Variants in CORO2B observed in about 807,000 individuals in gnomAD.
The protein encoded by CORO2B is coronin-2B.
A neutral mutation model predicts 58.8 loss-of-function variants in CORO2B; 26 were observed. The ratio of observed to expected loss-of-function variants is 0.44; its 90% CI spans 0.32 to 0.61. The LOEUF (loss-of-function observed/expected upper bound fraction) is 0.61. Ranked by LOEUF, CORO2B falls within the 20% of genes least tolerant of loss-of-function variation. CORO2B has a pLI of 0.04. For synonymous variants in CORO2B, 242 were observed against 253.8 expected, an observed-to-expected ratio of 0.95 and a Z score of 0.44; for missense variants, 460 against 645.1, an observed-to-expected ratio of 0.71 and a Z score of 3.11.
At chr15:68,607,571 A>G (rs4777073) in intron 1 of CORO2B, among the ~76,000 whole-genome samples, 22,859 of 151,924 alleles carry the variant, frequency 0.15, 1,832 homozygotes, top group African/African-American at 0.2. Context: ...TGATCCCAAC[A>G]CTTCAGGAGA....
At chr15:68,587,914 A>G (rs1188552923) in intron 1 of CORO2B, among the ~76,000 whole-genome samples, 1 of 152,212 alleles carries the variant, frequency 6.6e-6, no homozygotes, top group African/African-American at 2.4e-5. Flanking sequence ...TATGTGGTCC[A>G]GAGCATGGGA....
intron 1 of CORO2B, among the ~76,000 whole-genome samples, chr15:68,621,037 T>G (rs1900502044): frequency 6.6e-6 from 1 of 152,252 alleles, no homozygotes; most frequent in South Asian, 2.1e-4. Flanking sequence ...TCTCCTCGCC[T>G]GCTGATTAAC....
the CORO2B span, among the ~76,000 whole-genome samples, chr15:68,525,946 T>A: frequency 6.6e-6 from 1 of 152,316 alleles, no homozygotes; most frequent in African/African-American, 2.4e-5. Context: ...AGGCAACCAC[T>A]GATCAGCTTT....
intron 2 of CORO2B, among the ~76,000 whole-genome samples, chr15:68,693,967 C>G (rs1270779095): frequency 6.6e-6 from 1 of 152,174 alleles, no homozygotes; most frequent in Non-Finnish European, 1.5e-5. Context: ...TCCCGAGTAG[C>G]TGGGATTACA....
chr15:68,700,562 A>G (rs991289404), intron 3 of CORO2B, among the ~76,000 whole-genome samples: 1 of 152,088 alleles, frequency 6.6e-6, no homozygotes, highest in Non-Finnish European at 1.5e-5. Context: ...GATCCAGCAG[A>G]ACATACCCAG....
intron 11 of CORO2B, among the ~76,000 whole-genome samples, chr15:68,720,879 C>T (rs1362319816): frequency 6.6e-6 from 1 of 152,272 alleles, no homozygotes; most frequent in East Asian, 1.9e-4. Context: ...ATACCACCAA[C>T]TTATGCTATC....
chr15:68,632,839 G>A (rs181389710), intron 1 of CORO2B, among the ~76,000 whole-genome samples: 6 of 152,304 alleles, frequency 3.9e-5, no homozygotes, highest in East Asian at 1.9e-4. Flanking sequence ...TGATCTGCCC[G>A]CCTTGGTCCC....
chr15:68,572,974 C>A, the CORO2B span, among the ~76,000 whole-genome samples: 1 of 152,284 alleles, frequency 6.6e-6, no homozygotes, highest in South Asian at 2.1e-4. Context: ...CATGCACACA[C>A]ATGCACAGAT....
At chr15:68,533,970 C>A in the CORO2B span, among the ~76,000 whole-genome samples, 8 of 152,170 alleles carry the variant, frequency 5.3e-5, no homozygotes, top group Non-Finnish European at 8.8e-5. Flanking sequence ...AAGACCCAGT[C>A]TGGCCCTAAA....
the CORO2B span, among the ~76,000 whole-genome samples, chr15:68,540,575 T>C: frequency 2.0e-5 from 3 of 152,232 alleles, no homozygotes; most frequent in African/African-American, 7.2e-5. Context: ...TCCCTTTCAT[T>C]TAAACAATCA....
chr15:68,634,664 A>G (rs1322921983), intron 1 of CORO2B, among the ~76,000 whole-genome samples: 1 of 152,098 alleles, frequency 6.6e-6, no homozygotes, highest in Non-Finnish European at 1.5e-5. Flanking sequence ...CTCGGGCCCC[A>G]CCCTCGACTT....
chr15:68,554,717 G>C, the CORO2B span, among the ~76,000 whole-genome samples: 7 of 152,166 alleles, frequency 4.6e-5, no homozygotes, highest in African/African-American at 1.7e-4. Context: ...TATACATGAG[G>C]AAACTGAGTC....
chr15:68,535,507 C>G, the CORO2B span, among the ~76,000 whole-genome samples: 1 of 151,858 alleles, frequency 6.6e-6, no homozygotes, highest in South Asian at 2.1e-4. Context: ...ACATGGTAGA[C>G]ATTGAATAAA....
the CORO2B span, among the ~76,000 whole-genome samples, chr15:68,566,767 G>C: frequency 6.6e-6 from 1 of 152,204 alleles, no homozygotes; most frequent in Non-Finnish European, 1.5e-5. Context: ...GGCACCCTTG[G>C]GGTGAGCCCA....
At chr15:68,638,538 C>T (rs563295221) in intron 1 of CORO2B, among the ~76,000 whole-genome samples, 2 of 152,332 alleles carry the variant, frequency 1.3e-5, no homozygotes, top group South Asian at 4.1e-4. Context: ...TAAAACTCTT[C>T]CTGCTACAGT....
intron 1 of CORO2B, among the ~76,000 whole-genome samples, chr15:68,625,013 C>T (rs1026553706): frequency 6.6e-6 from 1 of 152,114 alleles, no homozygotes; most frequent in South Asian, 2.1e-4. Context: ...TGCTAGTGGT[C>T]GAAGACCACT....
At chr15:68,723,901 T>C (rs1017812982) in intron 11 of CORO2B, among the ~76,000 whole-genome samples, 1 of 152,044 alleles carries the variant, frequency 6.6e-6, no homozygotes, top group African/African-American at 2.4e-5. Flanking sequence ...ATGGCAAGAC[T>C]CTATCCCTAA....
chr15:68,696,249 C>CA (rs77017896), intron 3 of CORO2B, among the ~76,000 whole-genome samples: 1,051 of 102,514 alleles, frequency 0.01, 3 homozygotes, highest in African/African-American at 0.023. Context: ...GCCACTGTCT[C>CA]AAAAAAAAAA....
chr15:68,522,488 C>T, the CORO2B span, among the ~76,000 whole-genome samples: 1 of 152,014 alleles, frequency 6.6e-6, no homozygotes, highest in South Asian at 2.1e-4. Context: ...CTCGCTCTGT[C>T]ATCCAGGCTG....
Sources: gnomAD v4.1 joint callset for allele counts (sites outside exome capture counted in the v4.1 genomes callset) on GRCh38, gnomAD v4.1.1 for gene constraint, MANE v1.5 for transcripts, NCBI Gene and HGNC (gene_info 2026-07-23, HGNC 2026-07-21) for gene names.